Variants in PPEF1 observed in about 807,000 individuals in gnomAD.
The protein encoded by PPEF1 is protein phosphatase with EF-hand domain 1, also known as serine/threonine-protein phosphatase with EF-hands 1.
PPEF1 carries 12 observed loss-of-function variants against 53.3 expected under a neutral mutation model. That is an observed-to-expected ratio of 0.23 (90% CI 0.14 to 0.36). The LOEUF (loss-of-function observed/expected upper bound fraction) is 0.36. PPEF1 is among the 10% of genes least tolerant of loss of function. The pLI, the probability that PPEF1 is intolerant of heterozygous loss-of-function variation, is 1.00. For synonymous variants in PPEF1, 165 were observed against 176.7 expected, an observed-to-expected ratio of 0.93 and a Z score of 0.52; for missense variants, 334 against 490.4, an observed-to-expected ratio of 0.68 and a Z score of 3.01.
At chrX:18,679,156 C>T (rs1462548597), upstream of PPEF1, among the ~76,000 whole-genome samples, 3 of 112,481 alleles carry the variant, frequency 2.7e-5, no homozygotes, top group Admixed American at 2.8e-4. Flanking sequence ...TCACTGCAAC[C>T]TCCACCTCCT....
chrX:18,754,527 C>G (rs1351083652), intron 4 of PPEF1, among the ~76,000 whole-genome samples: 1 of 111,663 alleles, frequency 9.0e-6, no homozygotes, highest in African/African-American at 3.3e-5. Flanking sequence ...AGGCTCCTAA[C>G]CACCTGCCAA....
chrX:18,791,519 T>C (rs2046323683), intron 10 of PPEF1, among the ~76,000 whole-genome samples: 4 of 112,404 alleles, frequency 3.6e-5, no homozygotes, highest in African/African-American at 6.5e-5. Context: ...GAAATACAAC[T>C]GACTTTTATA....
At chrX:18,815,769 G>C (rs1274680334) in intron 12 of PPEF1, among the ~76,000 whole-genome samples, 1 of 103,915 alleles carries the variant, frequency 9.6e-6, no homozygotes, top group African/African-American at 3.6e-5. Context: ...CCAATTTTTA[G>C]TTTTGTTGAT....
intron 4 of PPEF1, among the ~76,000 whole-genome samples, chrX:18,692,127 C>T (rs1037417105): frequency 8.9e-6 from 1 of 112,070 alleles, no homozygotes; most frequent in African/African-American, 3.2e-5. Flanking sequence ...TAATCTGACT[C>T]TCTGGTCCTG....
intron 13 of PPEF1, among the ~76,000 whole-genome samples, chrX:18,821,812 T>C (rs1342455804): frequency 5.3e-4 from 47 of 89,012 alleles, no homozygotes; most frequent in African/African-American, 1.9e-3. Context: ...AGAAAACAAA[T>C]AACCAGTGCA....
At chrX:18,684,983 C>A (rs753636238) in intron 2 of PPEF1, among the ~76,000 whole-genome samples, 4 of 112,125 alleles carry the variant, frequency 3.6e-5, no homozygotes, top group African/African-American at 9.7e-5. Context: ...GAACACAGAA[C>A]AATTTGACTA....
chrX:18,706,129 C>T (rs1304419517), upstream of PPEF1, among the ~76,000 whole-genome samples: 3 of 102,789 alleles, frequency 2.9e-5, no homozygotes, highest in African/African-American at 1.1e-4. Context: ...AGCCGGGTGT[C>T]ACGGCACATG....
chrX:18,763,201 G>A (rs994732475), intron 6 of PPEF1, among the ~76,000 whole-genome samples: 18 of 111,328 alleles, frequency 1.6e-4, no homozygotes, highest in African/African-American at 5.2e-4. Flanking sequence ...CCAGGTGCTG[G>A]GGTGATTACC....
intron 12 of PPEF1, among the ~76,000 whole-genome samples, chrX:18,809,792 AAG>A (rs2046768269): frequency 9.0e-6 from 1 of 111,447 alleles, no homozygotes; most frequent in South Asian, 3.7e-4. Flanking sequence ...CAACATAAAA[AAG>A]AAATCCTGAC....
intron 3 of PPEF1, among the ~76,000 whole-genome samples, chrX:18,734,398 G>A (rs746559597): frequency 7.4e-5 from 8 of 108,119 alleles, no homozygotes; most frequent in South Asian, 4.2e-4. Flanking sequence ...CTGTCCTTGC[G>A]ATAGTTTGCT....
upstream of PPEF1, among the ~76,000 whole-genome samples, chrX:18,679,184 G>A (rs1019658696): frequency 6.3e-5 from 7 of 111,921 alleles, no homozygotes; most frequent in Non-Finnish European, 1.3e-4. Flanking sequence ...AACAATTCTC[G>A]TGCCTCAGCC....
At chrX:18,744,320 G>A (rs1276632195) in intron 3 of PPEF1, among the ~76,000 whole-genome samples, 2 of 112,050 alleles carry the variant, frequency 1.8e-5, no homozygotes, top group East Asian at 2.8e-4. Context: ...GATAAGAGGT[G>A]ACCCTGGAAG....
Position 18,827,144 on chromosome X carries a change from C to T in PPEF1, c.1751-132C>T, listed in dbSNP as rs1030316970. ...ATTTATGATCTTACTCTTCCATATC[C>T]TTCAGTATCTTCATGATTAGGCAGT... On this transcript the variant is annotated intron_variant, in intron 15 of 15. Coordinates refer to ENST00000470157, the MANE Select transcript of PPEF1 (RefSeq NM_001377996.1). The T allele has an allele frequency of 8.2e-6, 4 of 486,871 alleles. No individual in the cohort carries two copies. The Admixed American group carries it at 1.4e-4, about 17-fold the overall frequency. The allele number at this position is 486,871 out of a possible 1,213,427, so 40.1% of individuals were successfully genotyped here. A position where few individuals can be genotyped will look rare whatever the true frequency, so the allele number is the denominator to read the frequency against.
intron 12 of PPEF1, among the ~76,000 whole-genome samples, chrX:18,807,959 C>A (rs1460234033): frequency 1.1e-5 from 1 of 93,591 alleles, no homozygotes; most frequent in African/African-American, 4.0e-5. Flanking sequence ...CACGCCCAGC[C>A]TGTACGTACA....
chrX:18,697,754 CT>C (rs1242124847), intron 4 of PPEF1: 1 of 111,085 alleles, frequency 9.0e-6, no homozygotes, highest in African/African-American at 3.3e-5. Flanking sequence ...GTCTCTGTCC[CT>C]CAGTAGCACC....
intron 4 of PPEF1, 78 bp downstream of exon 4, chrX:18,750,030 C>A: frequency 1.1e-6 from 1 of 923,025 alleles, no homozygotes; most frequent in Non-Finnish European, 1.5e-6. Flanking sequence ...GATGAACATA[C>A]CACAGCAGAG....
At chrX:18,766,777 G>A (rs904631838) in intron 6 of PPEF1, among the ~76,000 whole-genome samples, 6 of 112,479 alleles carry the variant, frequency 5.3e-5, no homozygotes, top group African/African-American at 1.3e-4. Flanking sequence ...GGCTGGGCAC[G>A]GTGGCTCACG....
At chrX:18,763,597 A>G (rs1260465884) in intron 6 of PPEF1, among the ~76,000 whole-genome samples, 3 of 108,578 alleles carry the variant, frequency 2.8e-5, no homozygotes, top group East Asian at 2.9e-4. Flanking sequence ...AAGCCATACA[A>G]CCTCCATGAA....
intron 4 of PPEF1, among the ~76,000 whole-genome samples, chrX:18,695,580 G>A (rs1469678658): frequency 5.4e-5 from 6 of 111,845 alleles, no homozygotes; most frequent in Non-Finnish European, 1.9e-5. Context: ...AGAAAGAGTA[G>A]AGTGGGTAAA....
Sources: allele counts gnomAD v4.1 joint callset (sites outside exome capture counted in the v4.1 genomes callset), GRCh38; gene constraint gnomAD v4.1.1; transcripts MANE v1.5; gene names NCBI Gene and HGNC (gene_info 2026-07-23, HGNC 2026-07-21).